The following PCDH11Y variants were observed in gnomAD, a reference collection of about 807,000 sequenced individuals.
PCDH11Y encodes the protein protocadherin-11 Y-linked.
For synonymous variants in PCDH11Y, 9 were observed against 83.6 expected, an observed-to-expected ratio of 0.11 and a Z score of 4.87; for missense variants, 12 against 224.8, an observed-to-expected ratio of 0.05 and a Z score of 6.05.
At chrY:5,403,277 T>C in intron 2 of PCDH11Y, among the ~76,000 whole-genome samples, 1 of 33,168 alleles carries the variant, frequency 3.0e-5, no homozygotes, top group Non-Finnish European at 7.4e-5. Flanking sequence ...CTGAAAATAT[T>C]TGTTTTAATA....
chrY:5,537,259 G>GTT (rs34715627), intron 3 of PCDH11Y, among the ~76,000 whole-genome samples: 7 of 16,370 alleles, frequency 4.3e-4, no homozygotes, highest in East Asian at 1.7e-3. Context: ...ATTGGCAAAT[G>GTT]TTTTTTTTTT....
At chrY:5,226,718 G>A in intron 2 of PCDH11Y, among the ~76,000 whole-genome samples, 1 of 32,172 alleles carries the variant, frequency 3.1e-5, no homozygotes, top group African/African-American at 1.2e-4. Context: ...CCCATGATAT[G>A]TTCTTGGCAC....
chrY:5,107,778 G>A, downstream of PCDH11Y, among the ~76,000 whole-genome samples: 1 of 33,324 alleles, frequency 3.0e-5, no homozygotes, highest in Non-Finnish European at 7.4e-5. Flanking sequence ...ACTAGTCATC[G>A]GCCGGGTGTG....
At chrY:5,712,397 A>G in intron 4 of PCDH11Y, among the ~76,000 whole-genome samples, 1 of 33,552 alleles carries the variant, frequency 3.0e-5, no homozygotes, top group Non-Finnish European at 7.4e-5. Context: ...TGTCTTTGTC[A>G]TGGGCTCTGC....
chrY:5,262,658 G>A lies in PCDH11Y; in HGVS notation c.3129+161951G>A. On this transcript the variant is annotated intron_variant, in intron 2 of 4. Transcript: ENST00000400457. ...CATTCAGTTTTATAAGGGAAGGAGA[G>A]CATAAAAGTTCAGAAAATTCAGAGC... Among the ~76,000 whole-genome samples, 3 of 30,881 alleles carry A rather than the reference G, an allele frequency of 9.7e-5. No homozygotes were observed. In the South Asian group the frequency reaches 2.3e-3, roughly 23 times the overall value. 82.9% of individuals were successfully genotyped at this position (30,881 alleles called of 37,273 possible).
intron 4 of PCDH11Y, among the ~76,000 whole-genome samples, chrY:5,708,928 T>C (rs2053584628): frequency 3.0e-5 from 1 of 32,792 alleles, no homozygotes; most frequent in Non-Finnish European, 7.5e-5. Context: ...AGGCCATCAG[T>C]CTAGGCTGAG....
At chrY:5,356,060 GC>G (rs2053165626) in intron 2 of PCDH11Y, among the ~76,000 whole-genome samples, 4 of 33,199 alleles carry the variant, frequency 1.2e-4, no homozygotes, top group African/African-American at 4.7e-4. Context: ...TGAGGGTCGG[GC>G]TGCTATTTCT....
intron 4 of PCDH11Y, among the ~76,000 whole-genome samples, chrY:5,728,792 A>G: frequency 3.2e-5 from 1 of 31,301 alleles, no homozygotes; most frequent in Non-Finnish European, 7.8e-5. Flanking sequence ...CCCTTCTAAT[A>G]CTCTTCAGTG....
intron 2 of PCDH11Y, among the ~76,000 whole-genome samples, chrY:5,372,585 G>A (rs2053188572): frequency 6.5e-5 from 2 of 30,978 alleles, no homozygotes; most frequent in African/African-American, 1.3e-4. Context: ...ATTGCCAAAG[G>A]CAGGTAGACA....
At chrY:5,230,825 AT>A (rs2052967189) in intron 2 of PCDH11Y, among the ~76,000 whole-genome samples, 1 of 30,247 alleles carries the variant, frequency 3.3e-5, no homozygotes, top group Non-Finnish European at 7.9e-5. Flanking sequence ...GGTGTGCTTC[AT>A]TTTTTTTATT....
chrY:5,265,937 G>A (rs2053025033), intron 2 of PCDH11Y, among the ~76,000 whole-genome samples: 25 of 32,899 alleles, frequency 7.6e-4, no homozygotes, highest in African/African-American at 3.0e-3. Context: ...ATTGTTCTAC[G>A]GTAAGAGAGT....
At chrY:5,627,193 C>G (rs2053507882) in intron 4 of PCDH11Y, among the ~76,000 whole-genome samples, 1 of 30,788 alleles carries the variant, frequency 3.2e-5, no homozygotes, top group Non-Finnish European at 7.8e-5. Context: ...CGGGGTTTCA[C>G]CATGTTGACC....
Position 5,737,258 on chromosome Y carries a change from C to T in PCDH11Y, c.3353-14C>T. 2.6e-6 allele frequency: 1 copy of T among 386,203 alleles called. No homozygotes were observed. The highest frequency in any genetic ancestry group is 3.6e-6 in the Non-Finnish European group (1 of 276,285). On this transcript the variant is annotated splice_polypyrimidine_tract_variant and intron_variant, in intron 4 of 4. Coordinates refer to the PCDH11Y transcript ENST00000400457. Reference sequence around the variant, plus strand: ...TAAATTTTATTATTTTTTTCCTCACCCCAACAACTGCAGAAATAACTGTTC... The same window carrying T: ...TAAATTTTATTATTTTTTTCCTCACTCCAACAACTGCAGAAATAACTGTTC...
At chrY:5,438,485 G>A (rs2917213) in intron 2 of PCDH11Y, among the ~76,000 whole-genome samples, 1 of 33,011 alleles carries the variant, frequency 3.0e-5, no homozygotes, top group Non-Finnish European at 7.4e-5. Flanking sequence ...ATAAATCAAT[G>A]TGGCAATCTC....
At chrY:5,591,591 G>A (rs2053461864) in intron 4 of PCDH11Y, among the ~76,000 whole-genome samples, 1 of 31,975 alleles carries the variant, frequency 3.1e-5, no homozygotes, top group African/African-American at 1.2e-4. Context: ...GTTTGATCTT[G>A]CTTCTCTAGT....
chrY:5,267,903 G>A (rs2053029902), intron 2 of PCDH11Y, among the ~76,000 whole-genome samples: 1 of 34,562 alleles, frequency 2.9e-5, no homozygotes, highest in Non-Finnish European at 7.3e-5. Flanking sequence ...TGGACAAAAT[G>A]TGGAGGATTG....
At chrY:5,550,108 A>G (rs2053417225) in intron 3 of PCDH11Y, among the ~76,000 whole-genome samples, 1 of 26,296 alleles carries the variant, frequency 3.8e-5, no homozygotes, top group African/African-American at 1.4e-4. Flanking sequence ...TAAAAGGTTG[A>G]AAAAAAAAAA....
At chrY:5,408,113 G>C in intron 2 of PCDH11Y, among the ~76,000 whole-genome samples, 1 of 32,491 alleles carries the variant, frequency 3.1e-5, no homozygotes, top group African/African-American at 1.2e-4. Context: ...TCAAAAACAA[G>C]GAAAACTTGA....
intron 1 of PCDH11Y, among the ~76,000 whole-genome samples, chrY:5,004,433 TAGAG>T (rs2052536914): frequency 5.9e-5 from 2 of 34,119 alleles, no homozygotes; most frequent in Non-Finnish European, 1.5e-4. Flanking sequence ...AAATTCTTGA[TAGAG>T]AGCTTCCAGA....
Sources: gnomAD v4.1 joint callset for allele counts (sites outside exome capture counted in the v4.1 genomes callset) on GRCh38, gnomAD v4.1.1 for gene constraint, MANE v1.5 for transcripts, NCBI Gene and HGNC (gene_info 2026-07-23, HGNC 2026-07-21) for gene names.